PHACTR1: variants seen among roughly 807,000 people sequenced by gnomAD.
PHACTR1 encodes RPEL repeat containing 1.
In PHACTR1, 16 loss-of-function variants were observed where a neutral mutation model predicts 69.2. That is an observed-to-expected ratio of 0.23 (90% confidence interval 0.16 to 0.35). The LOEUF is 0.35. Among genes scored for constraint, PHACTR1 ranks in the 10% least tolerant of loss-of-function variants. The probability of loss-of-function intolerance (pLI) is 1.00; values close to 1 mark genes in which losing one functional copy is unlikely to be tolerated. For missense variants in PHACTR1, 510 were observed against 734.7 expected, an observed-to-expected ratio of 0.69 and a Z score of 3.54; for synonymous variants, 312 against 284.5, an observed-to-expected ratio of 1.10 and a Z score of -0.97.
chr6:12,991,755 A>G lies in PHACTR1; in HGVS notation c.251-61610A>G, dbSNP rs534038870. ...AAGTAGTTTAATTAGATAAAACTAT[A>G]ATGGTTTTGTGTTTGTGGAGGAGGA... On this transcript the variant is annotated intron_variant, in intron 4 of 14. Transcript: ENST00000332995. 5.4e-4 allele frequency among the ~76,000 whole-genome samples: 82 copies of G among 152,296 alleles called. 1 individual carries two copies. Among genetic ancestry groups the G allele is most frequent in the Non-Finnish European group, 8.4e-4 (57 of 68,018 alleles).
At chr6:12,772,999 A>G (rs1248094473) in intron 4 of PHACTR1, among the ~76,000 whole-genome samples, 2 of 152,204 alleles carry the variant, frequency 1.3e-5, no homozygotes, top group Non-Finnish European at 1.5e-5. Flanking sequence ...ATATGAAGAT[A>G]CAATATGGAT....
At chr6:12,823,736 T>C (rs1379176578) in intron 4 of PHACTR1, among the ~76,000 whole-genome samples, 1 of 152,210 alleles carries the variant, frequency 6.6e-6, no homozygotes, top group Admixed American at 6.5e-5. Flanking sequence ...TTGGTCTGTT[T>C]TTATAATGGG....
chr6:13,218,915 A>AGAGAAGAGAAGAGAAGAGAAGAG (rs1186396047), intron 8 of PHACTR1, among the ~76,000 whole-genome samples: 1 of 142,132 alleles, frequency 7.0e-6, no homozygotes, highest in African/African-American at 2.6e-5. Context: ...AGAGAAGAGA[A>AGAGAAGAGAAGAGAAGAGAAGAG]AAGGTAGAAA....
chr6:12,852,567 A>G (rs1021409494), intron 4 of PHACTR1, among the ~76,000 whole-genome samples: 1 of 152,074 alleles, frequency 6.6e-6, no homozygotes, highest in Non-Finnish European at 1.5e-5. Context: ...GATTTCTGCA[A>G]TCTCTTTATA....
At position 12,916,200 on chromosome 6, in the gene PHACTR1, C is replaced by T. The variant is rs181557454; in HGVS notation, c.251-137165C>T. On this transcript the variant is annotated intron_variant, in intron 4 of 14. Transcript: ENST00000332995. ...TATGACTTCCCTTTTCCAAACTCCTCATCTTCGCAGCAGGTTACTCACAAT... is the reference window on the plus strand; with the variant it reads ...TATGACTTCCCTTTTCCAAACTCCTTATCTTCGCAGCAGGTTACTCACAAT... Among the ~76,000 whole-genome samples, 254 of 152,322 alleles carry T rather than the reference C, an allele frequency of 1.7e-3. 1 individual carries two copies. The highest frequency in any genetic ancestry group is 3.4e-3 in the Middle Eastern group (1 of 294).
At chr6:12,881,302 G>A (rs1783072636) in intron 4 of PHACTR1, among the ~76,000 whole-genome samples, 1 of 152,182 alleles carries the variant, frequency 6.6e-6, no homozygotes, top group African/African-American at 2.4e-5. Context: ...TGGCACTCAT[G>A]GAAGAGGTGG....
chr6:12,912,028 C>T (rs1482378649), intron 4 of PHACTR1, among the ~76,000 whole-genome samples: 6 of 152,180 alleles, frequency 3.9e-5, no homozygotes, highest in Admixed American at 3.3e-4. Flanking sequence ...GACGGAATCT[C>T]GCTCTGTCAC....
chr6:12,988,491 T>C (rs1318962632), intron 4 of PHACTR1, among the ~76,000 whole-genome samples: 1 of 152,130 alleles, frequency 6.6e-6, no homozygotes, highest in Non-Finnish European at 1.5e-5. Flanking sequence ...CTAATAGAGG[T>C]GATGCATTAT....
In PHACTR1 at chr6:12,924,210, G is replaced by A. The variant is rs1582511525; in HGVS notation, c.251-129155G>A. On this transcript the variant is annotated intron_variant, in intron 4 of 14. Transcript: ENST00000332995. ...TTCTAGATAATACATGTGTATGTAT[G>A]TAAATACATATATACATAAATATAT... Among the ~76,000 whole-genome samples the A allele has an allele frequency of 2.0e-5, 3 of 152,238 alleles. No homozygotes were observed. In the South Asian group the frequency reaches 6.2e-4, roughly 32 times the overall value.
chr6:13,216,496 T>A (rs1767694919), intron 8 of PHACTR1, among the ~76,000 whole-genome samples: 1 of 151,616 alleles, frequency 6.6e-6, no homozygotes, highest in South Asian at 2.1e-4. Context: ...TGTTGCTTTG[T>A]AGTTCCGTGT....
chr6:12,725,184 C>T (rs111929574), intron 3 of PHACTR1, among the ~76,000 whole-genome samples: 1,662 of 152,270 alleles, frequency 0.011, 17 homozygotes, highest in Middle Eastern at 0.031. Flanking sequence ...CCACTCTTTG[C>T]CCACTCTGTG....
At chr6:12,902,248 C>T (rs568157712) in intron 4 of PHACTR1, among the ~76,000 whole-genome samples, 9 of 152,230 alleles carry the variant, frequency 5.9e-5, no homozygotes, top group South Asian at 2.1e-4. Flanking sequence ...AATGGCGAAA[C>T]GCTGTCTCTA....
chr6:13,134,367 G>T (rs1049078985), intron 5 of PHACTR1, among the ~76,000 whole-genome samples: 2 of 152,252 alleles, frequency 1.3e-5, no homozygotes, highest in African/African-American at 4.8e-5. Context: ...GAAGTGTGGG[G>T]AAAGGAAAGA....
intron 4 of PHACTR1, among the ~76,000 whole-genome samples, chr6:12,769,546 A>C (rs1044613492): frequency 2.6e-5 from 4 of 152,212 alleles, no homozygotes; most frequent in Non-Finnish European, 5.9e-5. Flanking sequence ...TTCTTCTGGG[A>C]TAAACTGGGG....
At chr6:13,277,089 CTG>C (rs1456246118) in intron 11 of PHACTR1, among the ~76,000 whole-genome samples, 1 of 152,190 alleles carries the variant, frequency 6.6e-6, no homozygotes, top group African/African-American at 2.4e-5. Flanking sequence ...ACGCTGATAT[CTG>C]TGCTTCCACA....
chr6:13,095,321 G>A (rs1262610396), intron 5 of PHACTR1, among the ~76,000 whole-genome samples: 1 of 152,190 alleles, frequency 6.6e-6, no homozygotes, highest in Non-Finnish European at 1.5e-5. Flanking sequence ...AGCAAATAGA[G>A]AACAGAGCAT....
chr6:13,115,062 A>G (rs1817612026), intron 5 of PHACTR1, among the ~76,000 whole-genome samples: 1 of 152,196 alleles, frequency 6.6e-6, no homozygotes, highest in Non-Finnish European at 1.5e-5. Flanking sequence ...GTCTGACTCC[A>G]GGACCTGAAA....
At chr6:13,286,102 T>A (rs1781646293) in intron 13 of PHACTR1, 44 bp from the exon 14 acceptor site, 2 of 1,514,940 alleles carry the variant, frequency 1.3e-6, no homozygotes, top group African/African-American at 2.8e-5. Context: ...AGTTTTTTTC[T>A]GTCTCTCTCC....
At chr6:12,989,227 A>G (rs1796538586) in intron 4 of PHACTR1, among the ~76,000 whole-genome samples, 1 of 152,228 alleles carries the variant, frequency 6.6e-6, no homozygotes, top group African/African-American at 2.4e-5. Context: ...GTGTCCAGGA[A>G]CTAAAGGCAC....
Sources: allele counts gnomAD v4.1 joint callset (sites outside exome capture counted in the v4.1 genomes callset), GRCh38; gene constraint gnomAD v4.1.1; transcripts MANE v1.5; gene names NCBI Gene and HGNC (gene_info 2026-07-23, HGNC 2026-07-21).